MREG: variants seen among roughly 807,000 people sequenced by gnomAD.
MREG encodes the protein melanoregulin, also known as dilute suppressor protein homolog.
A neutral mutation model predicts 28.5 loss-of-function variants in MREG; 31 were observed. The observed-to-expected ratio is 1.09, with a 90% confidence interval of 0.82 to 1.47. MREG has a LOEUF of 1.47. Ranked by LOEUF, MREG falls within the 40% of genes most tolerant of loss-of-function variation. The pLI is 0.00. For synonymous variants in MREG, 106 were observed against 95.2 expected (o/e 1.11, Z -0.66); for missense variants, 256 against 257.4 (o/e 0.99, Z 0.04).
intron 3 of MREG, 112 bp downstream of exon 3, chr2:215,946,911 T>G: frequency 1.5e-6 from 1 of 682,740 alleles, no homozygotes; most frequent in Non-Finnish European, 2.6e-6. Flanking sequence ...TACACAGTAG[T>G]CTTAATTAGG....
chr2:216,030,938 TCTCTCTCTCTCTCTCTCTCACA>T (rs1412374528), intron 1 of MREG, among the ~76,000 whole-genome samples: 1 of 50,982 alleles, frequency 2.0e-5, no homozygotes, highest in Non-Finnish European at 4.6e-5. Context: ...TCTCTCTCTC[TCTCTCTCTCTCTCTCTCTCACA>T]CACACACACA....
chr2:215,979,978 CA>C (rs5838560), intron 2 of MREG, among the ~76,000 whole-genome samples: 5 of 143,420 alleles, frequency 3.5e-5, no homozygotes, highest in East Asian at 2.0e-4. Context: ...AACAAACAAA[CA>C]AAAAAAAAAA....
At chr2:215,997,434 G>A (rs1693902332) in intron 1 of MREG, among the ~76,000 whole-genome samples, 1 of 152,166 alleles carries the variant, frequency 6.6e-6, no homozygotes, top group African/African-American at 2.4e-5. Context: ...GTAACCCCCA[G>A]TTGACTTCTG....
chr2:215,945,749 T>C lies in MREG; in HGVS notation c.347-15A>G. 1 of 1,609,148 alleles carries C rather than the reference T, an allele frequency of 6.2e-7. No individual in the cohort carries two copies. The highest frequency in any genetic ancestry group is 8.5e-7 in the Non-Finnish European group (1 of 1,177,242). On this transcript the variant is annotated splice_polypyrimidine_tract_variant and intron_variant, in intron 3 of 4. Coordinates refer to ENST00000263268, the MANE Select transcript of MREG (RefSeq NM_018000.3). ...CTTTTGAAAACCTAAGGTAGAAAAA[T>C]GGACCACTCATGTAAAGTAGTCCCA... is the stretch of plus-strand genomic sequence containing the variant.
chr2:215,991,453 T>C (rs1364466456), intron 2 of MREG, among the ~76,000 whole-genome samples: 4 of 151,982 alleles, frequency 2.6e-5, no homozygotes, highest in Non-Finnish European at 5.9e-5. Flanking sequence ...AGACCTAAAA[T>C]TGACACCCTA....
At chr2:215,945,824 C>T in intron 3 of MREG, 90 bp from the exon 4 acceptor site, 1 of 1,119,276 alleles carries the variant, frequency 8.9e-7, no homozygotes, top group Non-Finnish European at 1.3e-6. Context: ...TACGAACAGA[C>T]CCATGTGGAT....
chr2:215,956,917 C>T (rs1001519904), intron 2 of MREG, among the ~76,000 whole-genome samples: 1 of 151,950 alleles, frequency 6.6e-6, no homozygotes, highest in African/African-American at 2.4e-5. Flanking sequence ...GCTGTGTTAC[C>T]CTATGAGACG....
intron 2 of MREG, among the ~76,000 whole-genome samples, chr2:215,977,542 T>C (rs1693295629): frequency 6.6e-6 from 1 of 152,204 alleles, no homozygotes; most frequent in Non-Finnish European, 1.5e-5. Context: ...AATAGACATC[T>C]ACAGAACTCT....
chr2:215,943,470 G>A lies in MREG; in HGVS notation c.*1393C>T, dbSNP rs1036595008. 1 of 456,744 alleles carries A rather than the reference G, an allele frequency of 2.2e-6. No homozygotes were observed. The highest frequency in any genetic ancestry group is 4.4e-6 in the Non-Finnish European group (1 of 226,976). The allele number at this position is 456,744 out of a possible 1,614,324, so 28.3% of individuals were successfully genotyped here. A position where few individuals can be genotyped will look rare whatever the true frequency, so the allele number is the denominator to read the frequency against. On this transcript the variant is annotated 3_prime_UTR_variant, in exon 5 of 5. Coordinates refer to ENST00000263268, the MANE Select transcript of MREG (RefSeq NM_018000.3). ...CCCACAGGTGCAGCTGCCAGCCAAC[G>A]AATCAGAAACAGATGAAAGAGGAGA... is the stretch of plus-strand genomic sequence containing the variant.
chr2:215,957,890 A>T (rs917503728), intron 2 of MREG, among the ~76,000 whole-genome samples: 4 of 152,168 alleles, frequency 2.6e-5, no homozygotes, highest in African/African-American at 9.7e-5. Flanking sequence ...GATTAAGAAA[A>T]TGTGGCATAT....
chr2:216,019,184 AT>A (rs367679915), intron 1 of MREG, among the ~76,000 whole-genome samples: 16 of 151,390 alleles, frequency 1.1e-4, no homozygotes, highest in Non-Finnish European at 4.4e-5. Flanking sequence ...ATCAATACTA[AT>A]TTTTTTTTCT....
Position 216,013,294 on chromosome 2 carries a change from A to C in MREG, c.34T>G (p.Cys12Gly). 6.5e-7 allele frequency: 1 copy of C among 1,549,672 alleles called. No homozygotes were observed. Among genetic ancestry groups the C allele is most frequent in the Non-Finnish European group, 8.7e-7 (1 of 1,146,652 alleles). ...TCCAAGCACTCGCACCCGCAGCAGC[A>C]GCACACGGTTCTCAGCCAGTCCCTC... ...GLRDWLRTVCCCCGCECLEER... is the reference protein window; with the variant it reads ...GLRDWLRTVCGCCGCECLEER... Residue 12 changes from cysteine to glycine, a missense_variant, in exon 1 of 5, where the codon TGC becomes GGC. By Grantham distance (159) the Cys-to-Gly change is radical (BLOSUM62 -3). Transcript: ENST00000263268.
At chr2:215,947,636 A>T (rs6757115) in intron 2 of MREG, among the ~76,000 whole-genome samples, 1 of 152,104 alleles carries the variant, frequency 6.6e-6, no homozygotes, top group Admixed American at 6.5e-5. Context: ...CATAAGAAAC[A>T]GACACACACA....
intron 2 of MREG, among the ~76,000 whole-genome samples, chr2:215,988,155 G>A (rs1353741274): frequency 2.0e-5 from 3 of 152,088 alleles, no homozygotes; most frequent in Admixed American, 6.5e-5. Flanking sequence ...TGAGATCAAC[G>A]CAGAAGACGG....
At chr2:215,952,165 T>C (rs2105971261) in intron 2 of MREG, among the ~76,000 whole-genome samples, 1 of 152,364 alleles carries the variant, frequency 6.6e-6, no homozygotes, top group South Asian at 2.1e-4. Context: ...TATCCATTCA[T>C]TCATCCATAA....
chr2:216,022,819 T>C (rs1160187307), intron 1 of MREG, among the ~76,000 whole-genome samples: 4 of 152,170 alleles, frequency 2.6e-5, no homozygotes, highest in Non-Finnish European at 5.9e-5. Flanking sequence ...GAAGCAGAGT[T>C]TCTAAGAAGC....
At chr2:215,978,314 C>T (rs545605814) in intron 2 of MREG, among the ~76,000 whole-genome samples, 240 of 152,104 alleles carry the variant, frequency 1.6e-3, no homozygotes, top group African/African-American at 5.7e-3. Flanking sequence ...ACACATACAC[C>T]CTCCCAAGAC....
At chr2:216,031,647 A>AAAAGAAAGAAAGAAAGAAAG (rs200929112) in intron 1 of MREG, among the ~76,000 whole-genome samples, 181 of 98,058 alleles carry the variant, frequency 1.8e-3, no homozygotes, top group East Asian at 2.3e-3. Context: ...AAGGAAGAAG[A>AAAAGAAAGAAAGAAAGAAAG]AAAGAAAGAA....
chr2:215,961,242 C>T (rs1692779369), intron 2 of MREG, among the ~76,000 whole-genome samples: 1 of 152,220 alleles, frequency 6.6e-6, no homozygotes, highest in Non-Finnish European at 1.5e-5. Flanking sequence ...GGATGTCTCA[C>T]CACTCTGGAG....
Sources: gnomAD v4.1 joint callset for allele counts (sites outside exome capture counted in the v4.1 genomes callset) on GRCh38, gnomAD v4.1.1 for gene constraint, MANE v1.5 for transcripts, NCBI Gene and HGNC (gene_info 2026-07-23, HGNC 2026-07-21) for gene names.